Variants in NRG3 observed in about 807,000 individuals in gnomAD.
NRG3 encodes the protein pro-neuregulin-3, membrane-bound isoform.
NRG3 carries 31 observed loss-of-function variants against 66.9 expected under a neutral mutation model. That is an observed-to-expected ratio of 0.46 (90% CI 0.35 to 0.63). The LOEUF (loss-of-function observed/expected upper bound fraction) is 0.63. Among genes scored for constraint, NRG3 ranks in the 20% least tolerant of loss-of-function variants. The pLI is 0.00. For missense variants in NRG3, 910 were observed against 878.9 expected (o/e 1.04, Z -0.45); for synonymous variants, 393 against 359.4 (o/e 1.09, Z -1.06).
In NRG3 at chr10:82,166,611, T is replaced by A. The variant is rs2072077197; in HGVS notation, c.824-192128T>A. On this transcript the variant is annotated intron_variant, in intron 1 of 8. Transcript: ENST00000372141. The stretch of plus-strand genomic sequence containing the variant: ...TTTGTTTAAGCAATCAATAATTGTT[T>A]AAGGATATTTAAATAATTATGTCTA... The A allele has an allele frequency of 9.5e-6, 3 of 314,464 alleles. No homozygotes were observed. The Admixed American group carries it at 1.4e-4, about 15-fold the overall frequency. 19.5% of individuals were successfully genotyped at this position (314,464 alleles called of 1,614,324 possible).
At chr10:81,947,432 C>G (rs1848946053) in intron 1 of NRG3, among the ~76,000 whole-genome samples, 1 of 152,108 alleles carries the variant, frequency 6.6e-6, no homozygotes, top group Non-Finnish European at 1.5e-5. Context: ...ACTTTTCAGG[C>G]TGGTGCCCAG....
intron 2 of NRG3, among the ~76,000 whole-genome samples, chr10:82,445,698 G>A (rs2090684292): frequency 6.6e-6 from 1 of 152,036 alleles, no homozygotes; most frequent in Non-Finnish European, 1.5e-5. Flanking sequence ...CATGTGCCTG[G>A]GAGCCAGGTC....
At position 82,270,835 on chromosome 10, in the gene NRG3, C is replaced by T. The variant is rs929601661; in HGVS notation, c.824-87904C>T. ...CATCTGTAACAAGTATTGTCTCTTA[C>T]GCCATGGAGTACATTTTATACTGTG... On this transcript the variant is annotated intron_variant, in intron 1 of 8. Coordinates refer to ENST00000372141, the MANE Select transcript of NRG3 (RefSeq NM_001010848.4). Among the ~76,000 whole-genome samples the T allele has an allele frequency of 7.2e-5, 11 of 152,198 alleles. No individual in the cohort carries two copies. The South Asian group carries it at 1.9e-3, about 26-fold the overall frequency.
intron 2 of NRG3, among the ~76,000 whole-genome samples, chr10:82,360,903 A>T (rs1161036553): frequency 3.9e-5 from 6 of 152,168 alleles, no homozygotes; most frequent in East Asian, 1.9e-4. Context: ...TCTTCTCATC[A>T]TGTTTCCTCT....
chr10:82,768,547 A>T (rs1183351557), intron 3 of NRG3, among the ~76,000 whole-genome samples: 1 of 152,098 alleles, frequency 6.6e-6, no homozygotes, highest in African/African-American at 2.4e-5. Context: ...TTCCATGTTA[A>T]TAACCCACCT....
chr10:82,613,185 G>A (rs1460417166), intron 2 of NRG3, among the ~76,000 whole-genome samples: 1 of 152,098 alleles, frequency 6.6e-6, no homozygotes, highest in Admixed American at 6.6e-5. Flanking sequence ...AGTTCAAGAA[G>A]TACTTTGTGA....
At chr10:82,104,488 A>T (rs1234329189) in intron 1 of NRG3, among the ~76,000 whole-genome samples, 1 of 152,204 alleles carries the variant, frequency 6.6e-6, no homozygotes, top group Non-Finnish European at 1.5e-5. Flanking sequence ...TTTGTAAAAA[A>T]ATCAAGAACT....
intron 1 of NRG3, among the ~76,000 whole-genome samples, chr10:82,202,682 T>C (rs1441043394): frequency 1.3e-5 from 2 of 152,190 alleles, no homozygotes; most frequent in East Asian, 1.9e-4. Flanking sequence ...TGAATCAAAA[T>C]CAACGGCTTA....
At chr10:82,561,375 G>A (rs1428162870) in intron 2 of NRG3, among the ~76,000 whole-genome samples, 1 of 152,160 alleles carries the variant, frequency 6.6e-6, no homozygotes, top group Non-Finnish European at 1.5e-5. Context: ...TATTTGGCCA[G>A]GCACCATGGC....
At chr10:82,672,424 T>C (rs1565188416) in intron 2 of NRG3, among the ~76,000 whole-genome samples, 1 of 152,154 alleles carries the variant, frequency 6.6e-6, no homozygotes, top group African/African-American at 2.4e-5. Context: ...CATGATCAGA[T>C]TTATGGTAAA....
rs535934673 is a variant in NRG3 at position 82,400,904 on chromosome 10, A to G, written c.953+42036A>G. On this transcript the variant is annotated intron_variant, in intron 2 of 8. Transcript: ENST00000372141. ...ATTGACTCTCAGTGGAGAAAAGATCAAACTGTTATTTGTTTAGTTCAAAAT... is the reference window on the plus strand; with the variant it reads ...ATTGACTCTCAGTGGAGAAAAGATCGAACTGTTATTTGTTTAGTTCAAAAT... Among the ~76,000 whole-genome samples, 4 of 152,254 alleles carry G rather than the reference A, an allele frequency of 2.6e-5. No homozygotes were observed. The South Asian group carries it at 8.3e-4, about 32-fold the overall frequency.
At chr10:82,052,465 C>T (rs12780460) in intron 1 of NRG3, among the ~76,000 whole-genome samples, 1 of 151,970 alleles carries the variant, frequency 6.6e-6, no homozygotes, top group African/African-American at 2.4e-5. Context: ...CATTTCTGTG[C>T]CCAAGGAGCT....
At chr10:82,865,471 G>A (rs973172497) in intron 4 of NRG3, 34 bp downstream of exon 4, 21 of 1,603,634 alleles carry the variant, frequency 1.3e-5, no homozygotes, top group Non-Finnish European at 1.8e-5. Flanking sequence ...TTAATATCCT[G>A]GAAATGCTAA....
intron 3 of NRG3, among the ~76,000 whole-genome samples, chr10:82,838,618 A>G (rs529809480): frequency 2.6e-5 from 4 of 152,022 alleles, no homozygotes; most frequent in South Asian, 4.2e-4. Context: ...TGTTCTTTAT[A>G]TGAATTTTTT....
At chr10:82,755,229 G>C (rs141786378) in intron 3 of NRG3, among the ~76,000 whole-genome samples, 406 of 152,206 alleles carry the variant, frequency 2.7e-3, no homozygotes, top group African/African-American at 9.3e-3. Flanking sequence ...CCTGTAGCCA[G>C]ACATATCCAT....
intron 2 of NRG3, among the ~76,000 whole-genome samples, chr10:82,391,870 T>A (rs1057193977): frequency 3.3e-5 from 5 of 151,920 alleles, no homozygotes; most frequent in African/African-American, 4.8e-5. Context: ...AGCCATACAA[T>A]CTTCAGATTG....
chr10:82,817,732 G>A (rs1189946141), intron 3 of NRG3, among the ~76,000 whole-genome samples: 1 of 152,200 alleles, frequency 6.6e-6, no homozygotes, highest in Non-Finnish European at 1.5e-5. Context: ...TAAAAGGTCT[G>A]TTTCCCTGGG....
At chr10:82,376,210 C>A (rs1165890530) in intron 2 of NRG3, among the ~76,000 whole-genome samples, 4 of 152,190 alleles carry the variant, frequency 2.6e-5, no homozygotes, top group Admixed American at 2.6e-4. Context: ...AGCTCTTCCA[C>A]TTTAGCTGCA....
intron 2 of NRG3, among the ~76,000 whole-genome samples, chr10:82,375,536 CAAAAAAA>C (rs57526579): frequency 7.9e-6 from 1 of 127,286 alleles, no homozygotes; most frequent in African/African-American, 2.7e-5. Context: ...GACTCCATCT[CAAAAAAA>C]AAAAAAAATT....
Sources: allele counts gnomAD v4.1 joint callset (sites outside exome capture counted in the v4.1 genomes callset), GRCh38; gene constraint gnomAD v4.1.1; transcripts MANE v1.5; gene names NCBI Gene and HGNC (gene_info 2026-07-23, HGNC 2026-07-21).